CELSR3: variants seen among roughly 807,000 people sequenced by gnomAD.
CELSR3 encodes the protein cadherin EGF LAG seven-pass G-type receptor 3.
Under a neutral mutation model 270.0 loss-of-function variants are expected in CELSR3, and 73 were observed. The observed-to-expected ratio is 0.27, with a 90% CI of 0.22 to 0.33. The LOEUF is 0.33. CELSR3 is among the 10% of genes least tolerant of loss of function. The pLI is 1.00. For synonymous variants in CELSR3, 1,780 were observed against 1,905.4 expected (o/e 0.93, Z 1.71); for missense variants, 3,614 against 4,533.8 (o/e 0.80, Z 5.83).
In CELSR3 at chr3:48,661,640, G is replaced by A. The variant is rs2077066907; in HGVS notation, c.995C>T (p.Thr332Met). The A allele has an allele frequency of 1.2e-6, 2 of 1,603,276 alleles. No homozygotes were observed. The highest frequency in any genetic ancestry group is 1.1e-5 in the South Asian group (1 of 90,220). The change falls in exon 1 of 35, where the codon ACG (threonine) becomes ATG (methionine). Residue 332 changes from threonine to methionine, a missense_variant. Transcript: ENST00000164024. ...HPQFPQYNYQ[T>M]LVPENEAAGT... The stretch of plus-strand genomic sequence containing the variant: ...TGCTGCCTCATTCTCCGGCACCAGC[G>A]TCTGGTAGTTGTACTGCGGAAACTG...
chr3:48,661,598 C>T lies in CELSR3; in HGVS notation c.1037G>A (p.Arg346His), dbSNP rs780124354. 1.2e-6 allele frequency: 2 copies of T among 1,609,420 alleles called. No homozygotes were observed. The highest frequency in any genetic ancestry group is 2.7e-5 in the African/African-American group (2 of 74,830). The stretch of plus-strand genomic sequence containing the variant: ...GGCGTCCGGGTCCTGAGCAACCACG[C>T]GTAGCACCGCGGTGCCTGCTGCCTC... The part of the protein sequence containing the change: ...ENEAAGTAVL[R>H]VVAQDPDAGE... The change falls in exon 1 of 35, where the codon CGC becomes CAC. Residue 346 changes from arginine (R) to histidine (H), a missense_variant. Transcript: ENST00000164024.
At position 48,650,432 on chromosome 3, in the gene CELSR3, C is replaced by CCGGGGGGGGGGGGGGGGGGGGG; in HGVS notation, c.6472+47_6472+48insCCCCCCCCCCCCCCCCCCCCCG. The stretch of plus-strand genomic sequence containing the variant: ...AGACATGGCTCTAGCAGTCAGAGTA[C>CCGGGGGGGGGGGGGGGGGGGGG]AGGCCCACCCCCACCCTCAGTGATG... On this transcript the variant is annotated intron_variant, in intron 16 of 34. Transcript: ENST00000164024. The surrounding 1 kb of genome is among the most constrained non-coding windows in gnomAD (Gnocchi z 5.1). 7 of 1,208,942 alleles carry CCGGGGGGGGGGGGGGGGGGGGG rather than the reference C, an allele frequency of 5.8e-6. No homozygotes were observed. The highest frequency in any genetic ancestry group is 4.7e-6 in the Non-Finnish European group (4 of 844,582). The allele number at this position is 1,208,942 out of a possible 1,614,324, so 74.9% of individuals were successfully genotyped here.
In CELSR3 at chr3:48,645,362, C is replaced by A; in HGVS notation, c.7797+81G>T. ...TGGCCCCAACCTGAGCATCCCTGAC[C>A]TCTGACCCTGAGTTTTGGCCCCAGG... is the stretch of plus-strand genomic sequence containing the variant. On this transcript the variant is annotated intron_variant, in intron 24 of 34. Coordinates refer to ENST00000164024, the MANE Select transcript of CELSR3 (RefSeq NM_001407.3). This position sits in a 1 kb window ranked among gnomAD's most constrained non-coding sequence, Gnocchi z 5.4. The A allele has an allele frequency of 6.3e-7, 1 of 1,587,560 alleles. No individual in the cohort carries two copies. The highest frequency in any genetic ancestry group is 1.1e-5 in the South Asian group (1 of 90,126).
intron 3 of CELSR3, 102 bp downstream of exon 3, chr3:48,656,038 C>A (rs1265831056): frequency 2.6e-6 from 3 of 1,139,782 alleles, no homozygotes; most frequent in Middle Eastern, 6.1e-4. Flanking sequence ...AGGGGAGGGG[C>A]GGTGTCTCAT....
chr3:48,652,969 G>C lies in CELSR3; in HGVS notation c.5634+33C>G. The C allele has an allele frequency of 6.3e-7, 1 of 1,595,118 alleles. No individual in the cohort carries two copies. Among genetic ancestry groups the C allele is most frequent in the Non-Finnish European group, 8.6e-7 (1 of 1,165,490 alleles). On this transcript the variant is annotated intron_variant, in intron 10 of 34. Transcript: ENST00000164024. The surrounding 1 kb of genome is among the most constrained non-coding windows in gnomAD (Gnocchi z 4.3). ...ATAAGGCGGATCTGGTTGGAAGGCT[G>C]AGAACAGACTACCCCGGGGTCAGAG...
chr3:48,654,808 G>A lies in CELSR3; in HGVS notation c.4988+236C>T, dbSNP rs75313277. On this transcript the variant is annotated intron_variant, in intron 6 of 34. Transcript: ENST00000164024. This position sits in a 1 kb window ranked among gnomAD's most constrained non-coding sequence, Gnocchi z 5.4. ...ATTAGTGAGACTGGGGTGGGGAGGT[G>A]GAGGCTTTGGAGGACTGCCTGGGGA... Among the ~76,000 whole-genome samples, 4,686 of 151,826 alleles carry A rather than the reference G, an allele frequency of 0.031. 260 individuals are homozygous for A. Among genetic ancestry groups the A allele is most frequent in the African/African-American group, 0.1 (4,326 of 41,256 alleles).
intron 19 of CELSR3, 73 bp from the exon 20 acceptor site, chr3:48,648,069 TCGCATCC>T: frequency 6.4e-7 from 1 of 1,562,918 alleles, no homozygotes; most frequent in Non-Finnish European, 8.7e-7. Flanking sequence ...TCCCTCTTAC[TCGCATCC>T]CGCACCTGAG....
At chr3:48,648,952 C>T (rs922956170) in intron 17 of CELSR3, 24 bp from the exon 18 acceptor site, 2 of 1,610,958 alleles carry the variant, frequency 1.2e-6, no homozygotes, top group Non-Finnish European at 1.7e-6. Context: ...GAGATGGTTG[C>T]TCTGTGGTCC....
In CELSR3 at chr3:48,659,350, G is replaced by A. The variant is rs146821839; in HGVS notation, c.3285C>T (p.Asp1095=). Residue 1095 remains aspartate, a synonymous_variant, in exon 1 of 35, where the codon GAC becomes GAT. Transcript: ENST00000164024. This position sits in a 1 kb window ranked among gnomAD's most constrained non-coding sequence, Gnocchi z 8.1. The part of the protein sequence containing the change: ...VVAQITAVDP[D]EGPNAHIMYQ... ...ACATTATATGGGCATTGGGGCCTTC[G>A]TCAGGGTCCACTGCAGTGATCTGGG... 1.3e-4 allele frequency: 210 copies of A among 1,614,014 alleles called. No homozygotes were observed. Among genetic ancestry groups the A allele is most frequent in the African/African-American group, 1.2e-4 (9 of 74,894 alleles).
rs1396435877 is a variant in CELSR3 at position 48,661,859 on chromosome 3, C to A, written c.776G>T (p.Gly259Val). The change falls in exon 1 of 35, where the codon GGT becomes GTT. Residue 259 changes from glycine (G) to valine (V), a missense_variant. By Grantham distance (109) the Gly-to-Val change is moderately radical. Coordinates refer to ENST00000164024, the MANE Select transcript of CELSR3 (RefSeq NM_001407.3). ...TGTCCGAGACTCGCGGGGTGCTGAA[C>A]CTGATGCAGGAGCTGTCCTCGCCGT... is the stretch of plus-strand genomic sequence containing the variant. ...PRTARTAPAS[G>V]SAPRESRTAP... is the part of the protein sequence containing the mutation. The A allele has an allele frequency of 3.1e-6, 5 of 1,610,744 alleles. No homozygotes were observed. Among genetic ancestry groups the A allele is most frequent in the Non-Finnish European group, 3.4e-6 (4 of 1,179,664 alleles).
chr3:48,652,982 C>A lies in CELSR3; in HGVS notation c.5634+20G>T. On this transcript the variant is annotated intron_variant, in intron 10 of 34. Coordinates refer to ENST00000164024, the MANE Select transcript of CELSR3 (RefSeq NM_001407.3). The surrounding 1 kb of genome is among the most constrained non-coding windows in gnomAD (Gnocchi z 4.3). ...GGTTGGAAGGCTGAGAACAGACTAC[C>A]CCGGGGTCAGAGGCCAGACCTGGAA... 6.2e-7 allele frequency: 1 copy of A among 1,608,220 alleles called. No homozygotes were observed. The highest frequency in any genetic ancestry group is 1.1e-5 in the South Asian group (1 of 90,842).
chr3:48,660,731 C>A lies in CELSR3; in HGVS notation c.1904G>T (p.Gly635Val), dbSNP rs767974755. Residue 635 changes from glycine (G) to valine (V), a missense_variant, in exon 1 of 35, where the codon GGC becomes GTC. Physicochemically the swap from Gly to Val is moderately radical, Grantham distance 109 (BLOSUM62 -3). This residue lies in a region of CELSR3 where 354 missense variants were observed against 500.9 expected (regional missense o/e 0.71). Transcript: ENST00000164024. This position sits in a 1 kb window ranked among gnomAD's most constrained non-coding sequence, Gnocchi z 5.5. ...GTCCACCACCTGGATGCTGGCCAGG[C>A]CCGTGTTGTTGGACAGCGGTGGCCG... ...AGRPPLSNNT[G>V]LASIQVVDIN... The A allele has an allele frequency of 6.2e-7, 1 of 1,613,966 alleles. No homozygotes were observed. Among genetic ancestry groups the A allele is most frequent in the African/African-American group, 1.3e-5 (1 of 74,946 alleles).
In CELSR3 at chr3:48,659,034, C is replaced by T. The variant is rs1216077570; in HGVS notation, c.3601G>A (p.Asp1201Asn). Residue 1201 changes from aspartate (D) to asparagine (N), a missense_variant, in exon 1 of 35, where the codon GAT becomes AAT. Coordinates refer to ENST00000164024, the MANE Select transcript of CELSR3 (RefSeq NM_001407.3). This position sits in a 1 kb window ranked among gnomAD's most constrained non-coding sequence, Gnocchi z 8.1. ...IIGRIPAYDP[D>N]VSDHLFYSFE... ...GAGTAGAAGAGGTGGTCGGAGACAT[C>T]GGGGTCATAAGCTGGGATGCGCCCA... is the stretch of plus-strand genomic sequence containing the variant. 1.2e-6 allele frequency: 2 copies of T among 1,614,172 alleles called. No individual in the cohort carries two copies. The highest frequency in any genetic ancestry group is 8.5e-7 in the Non-Finnish European group (1 of 1,180,044).
rs2047128730 is a variant in CELSR3 at position 48,650,631 on chromosome 3, G to A, written c.6371-50C>T. ...CAGGCAGTCAGGGTACAGGGCAGTT[G>A]ACAGCCACACCCACTGCCCCTCCAC... is the stretch of plus-strand genomic sequence containing the variant. On this transcript the variant is annotated intron_variant, in intron 15 of 34. Coordinates refer to ENST00000164024, the MANE Select transcript of CELSR3 (RefSeq NM_001407.3). The surrounding 1 kb of genome is among the most constrained non-coding windows in gnomAD (Gnocchi z 5.1). The A allele has an allele frequency of 1.4e-6, 2 of 1,467,824 alleles. No individual in the cohort carries two copies. Among genetic ancestry groups the A allele is most frequent in the Admixed American group, 4.5e-5 (2 of 44,528 alleles). 90.9% of individuals were successfully genotyped at this position (1,467,824 alleles called of 1,614,324 possible).
rs1391397525 is a variant in CELSR3, at chr3:48,654,530, G to T, written c.4989-78C>A. Reference sequence around the variant, plus strand: ...CTCCTGGGGGGCCACAGGAAGCAGGGGGGTAGGACCCAGAGGGTAGGGTGA... The same window carrying T: ...CTCCTGGGGGGCCACAGGAAGCAGGTGGGTAGGACCCAGAGGGTAGGGTGA... On this transcript the variant is annotated intron_variant, in intron 6 of 34. Coordinates refer to ENST00000164024, the MANE Select transcript of CELSR3 (RefSeq NM_001407.3). This position sits in a 1 kb window ranked among gnomAD's most constrained non-coding sequence, Gnocchi z 5.4. The T allele has an allele frequency of 7.9e-7, 1 of 1,272,798 alleles. No homozygotes were observed. The highest frequency in any genetic ancestry group is 1.5e-5 in the South Asian group (1 of 68,488). The allele number at this position is 1,272,798 out of a possible 1,614,324, so 78.8% of individuals were successfully genotyped here.
At position 48,650,810 on chromosome 3, in the gene CELSR3, G is replaced by A. The variant is rs1336320547; in HGVS notation, c.6370+82C>T. The A allele has an allele frequency of 1.4e-6, 2 of 1,455,562 alleles. No individual in the cohort carries two copies. The highest frequency in any genetic ancestry group is 1.9e-6 in the Non-Finnish European group (2 of 1,070,406). 90.2% of individuals were successfully genotyped at this position (1,455,562 alleles called of 1,614,324 possible). A position where few individuals can be genotyped will look rare whatever the true frequency, so the allele number is the denominator to read the frequency against. On this transcript the variant is annotated intron_variant, in intron 15 of 34. Transcript: ENST00000164024. This position sits in a 1 kb window ranked among gnomAD's most constrained non-coding sequence, Gnocchi z 5.1. ...CAGGAGAAGCTTCCAGAGTCCCCAA[G>A]GAGCCATGTGTGCCACTGACACGTG...
chr3:48,652,045 C>A lies in CELSR3; in HGVS notation c.5755G>T (p.Val1919Leu), dbSNP rs767071280. Residue 1919 changes from valine (V) to leucine (L), a missense_variant, in exon 12 of 35, where the codon GTG (valine) becomes TTG (leucine). Around this residue, in one of 7 missense-constraint regions of CELSR3, gnomAD observed 1,331 missense variants for 1,933.7 expected, o/e 0.69. Coordinates refer to ENST00000164024, the MANE Select transcript of CELSR3 (RefSeq NM_001407.3). The surrounding 1 kb of genome is among the most constrained non-coding windows in gnomAD (Gnocchi z 4.3). ...CCAGAGGGTGTGGAGCCGAGCCACACCCCCTGTGGACACACAGCCAGCAAG... is the reference window on the plus strand; with the variant it reads ...CCAGAGGGTGTGGAGCCGAGCCACAACCCCTGTGGACACACAGCCAGCAAG... ...PQGLVGCIQG[V>L]WLGSTPSGSP... The A allele has an allele frequency of 2.6e-6, 4 of 1,543,950 alleles. No individual in the cohort carries two copies. The highest frequency in any genetic ancestry group is 1.3e-5 in the South Asian group (1 of 79,732).
At position 48,657,971 on chromosome 3, in the gene CELSR3, TAC is replaced by T. The variant is rs566629528; in HGVS notation, c.3749-625_3749-624del. Among the ~76,000 whole-genome samples, 12 of 149,570 alleles carry T rather than the reference TAC, an allele frequency of 8.0e-5. No individual in the cohort carries two copies. The highest frequency in any genetic ancestry group is 3.9e-4 in the East Asian group (2 of 5,122). On this transcript the variant is annotated intron_variant, in intron 1 of 34. Coordinates refer to ENST00000164024, the MANE Select transcript of CELSR3 (RefSeq NM_001407.3). This position sits in a 1 kb window ranked among gnomAD's most constrained non-coding sequence, Gnocchi z 5.4. ...TCCAGGGGGGTCTTGAACCCTGACATACACACACACACACACACACCAGCATT... is the reference window on the plus strand; with the variant it reads ...TCCAGGGGGGTCTTGAACCCTGACATACACACACACACACACACCAGCATT...
In CELSR3 at chr3:48,654,972, G is replaced by T. The variant is rs1023270857; in HGVS notation, c.4988+72C>A. ...GGAGAGTTTGGCAGGATGGGATGAG[G>T]AATGGGATGTGAAGGGTTGGAGTGG... On this transcript the variant is annotated intron_variant, in intron 6 of 34. Transcript: ENST00000164024. This position sits in a 1 kb window ranked among gnomAD's most constrained non-coding sequence, Gnocchi z 5.4. The T allele has an allele frequency of 1.8e-5, 26 of 1,432,566 alleles. No individual in the cohort carries two copies. Among genetic ancestry groups the T allele is most frequent in the Non-Finnish European group, 2.6e-5 (26 of 1,016,998 alleles). The allele number at this position is 1,432,566 out of a possible 1,614,324, so 88.7% of individuals were successfully genotyped here.
Sources: gnomAD v4.1 joint callset for allele counts (sites outside exome capture counted in the v4.1 genomes callset) on GRCh38, gnomAD v4.1.1 for gene constraint, gnomAD v4.1.1 regional missense constraint, Gnocchi (gnomAD v3.1) non-coding constraint, MANE v1.5 for transcripts, NCBI Gene and HGNC (gene_info 2026-07-23, HGNC 2026-07-21) for gene names.